The following AFDN variants were observed in gnomAD, a reference collection of about 807,000 sequenced individuals.
AFDN encodes the protein afadin, adherens junction formation factor.
Under a neutral mutation model 216.6 loss-of-function variants are expected in AFDN, and 68 were observed. That is an observed-to-expected ratio of 0.31 (90% confidence interval 0.26 to 0.38). The LOEUF is 0.38. AFDN is among the 10% of genes least tolerant of loss of function. The pLI is 1.00. For missense variants in AFDN, 2,136 were observed against 2,342.0 expected (o/e 0.91, Z 1.82); for synonymous variants, 868 against 853.7 (o/e 1.02, Z -0.29).
At chr6:167,829,291 C>T (rs1302690357) in intron 1 of AFDN, among the ~76,000 whole-genome samples, 11 of 152,100 alleles carry the variant, frequency 7.2e-5, no homozygotes, top group Non-Finnish European at 2.9e-5. Flanking sequence ...GAGAACTTTC[C>T]TGTACTATTA....
Position 167,851,872 on chromosome 6 carries a change from G to A in AFDN, c.106-12679G>A, listed in dbSNP as rs146058524. On this transcript the variant is annotated intron_variant, in intron 1 of 33. Transcript: ENST00000683244. ...ACCAAAGTTCTTGAGTTTTTGTAGCGCATTTTTAAAAAAAACAGGTTTACT... is the reference window on the plus strand; with the variant it reads ...ACCAAAGTTCTTGAGTTTTTGTAGCACATTTTTAAAAAAAACAGGTTTACT... 2.0e-3 allele frequency among the ~76,000 whole-genome samples: 311 copies of A among 151,976 alleles called. 5 individuals are homozygous for A. Among genetic ancestry groups the A allele is most frequent in the Middle Eastern group, 6.8e-3 (2 of 294 alleles).
intron 1 of AFDN, chr6:167,864,283 A>G (rs1264093437): frequency 1.5e-6 from 1 of 660,744 alleles, no homozygotes; most frequent in South Asian, 1.4e-5. Context: ...GCCAAGGACC[A>G]ATAGATGTTA....
chr6:167,844,844 CTTTTCT>C (rs1444128234), intron 1 of AFDN, among the ~76,000 whole-genome samples: 31 of 135,580 alleles, frequency 2.3e-4, no homozygotes, highest in Middle Eastern at 3.9e-3. Flanking sequence ...GCATCCTTTT[CTTTTCT>C]TTTTTTTTTT....
chr6:167,914,783 C>A (rs763526588), intron 18 of AFDN, 45 bp downstream of exon 18: 5 of 1,340,128 alleles, frequency 3.7e-6, no homozygotes, highest in Non-Finnish European at 5.3e-6. Flanking sequence ...GCTTCCTTCA[C>A]GTTTAGCATC....
intron 26 of AFDN, 74 bp downstream of exon 26, chr6:167,944,133 GA>G: frequency 8.5e-7 from 1 of 1,175,660 alleles, no homozygotes; most frequent in South Asian, 1.3e-5. Flanking sequence ...CCCCATGGAG[GA>G]GGTACTGGTG....
At chr6:167,916,167 T>C (rs1219273536) in intron 19 of AFDN, among the ~76,000 whole-genome samples, 1 of 152,224 alleles carries the variant, frequency 6.6e-6, no homozygotes, top group East Asian at 1.9e-4. Context: ...TTCTTTGGCC[T>C]GTAGATGCAT....
chr6:167,933,369 T>A (rs1455076473), intron 23 of AFDN, among the ~76,000 whole-genome samples: 1 of 152,262 alleles, frequency 6.6e-6, no homozygotes, highest in Non-Finnish European at 1.5e-5. Context: ...TGGTAAAGAC[T>A]GTTTATTAAC....
In AFDN at chr6:167,969,772, T is replaced by C; in HGVS notation, c.5343-10T>C. 6.2e-7 allele frequency: 1 copy of C among 1,600,538 alleles called. No individual in the cohort carries two copies. Among genetic ancestry groups the C allele is most frequent in the Non-Finnish European group, 8.5e-7 (1 of 1,176,456 alleles). On this transcript the variant is annotated splice_polypyrimidine_tract_variant and intron_variant, in intron 33 of 33. Coordinates refer to ENST00000683244, the MANE Select transcript of AFDN (RefSeq NM_001386888.1). ...TGTCCAGTAATCTTTGATATTGCCCTCTTCTGCAGCCAAGATGCAGATTCA... is the reference window on the plus strand; with the variant it reads ...TGTCCAGTAATCTTTGATATTGCCCCCTTCTGCAGCCAAGATGCAGATTCA...
chr6:167,828,518 T>G (rs1223191929), intron 1 of AFDN, among the ~76,000 whole-genome samples: 1 of 152,186 alleles, frequency 6.6e-6, no homozygotes, highest in African/African-American at 2.4e-5. Context: ...AGCATAGATG[T>G]TATGTTAAGT....
intron 23 of AFDN, among the ~76,000 whole-genome samples, chr6:167,934,187 T>G (rs1793685521): frequency 6.6e-6 from 1 of 152,162 alleles, no homozygotes; most frequent in Non-Finnish European, 1.5e-5. Flanking sequence ...GTTCCCTTCA[T>G]TTTATGGAGA....
chr6:167,922,880 C>A lies in AFDN; in HGVS notation c.2933C>A (p.Thr978Lys), dbSNP rs1562680261. Residue 978 changes from threonine to lysine, a missense_variant, in exon 22 of 34, where the codon ACA becomes AAA. By Grantham distance (78) the Thr-to-Lys change is moderately conservative. This residue lies in a region of AFDN where 162 missense variants were observed against 182.6 expected (regional missense o/e 0.89). Coordinates refer to ENST00000683244, the MANE Select transcript of AFDN (RefSeq NM_001386888.1). ...GGATTTTGCAGGTTAATTCCTCACA[C>A]ACGTTCACCAGGTACTTGGACAATA... ...QRGFCRLIPH[T>K]RSPGTWTIYF... 5.0e-6 allele frequency: 8 copies of A among 1,612,728 alleles called. No individual in the cohort carries two copies. The highest frequency in any genetic ancestry group is 4.2e-6 in the Non-Finnish European group (5 of 1,179,396).
intron 13 of AFDN, among the ~76,000 whole-genome samples, chr6:167,907,673 T>C (rs12191722): frequency 0.34 from 52,127 of 152,140 alleles, 9,696 homozygotes; most frequent in East Asian, 0.6. Context: ...TTTAAAAATA[T>C]GTAAGATCAA....
rs747756056 is a variant in AFDN, at chr6:167,911,392, C to T, written c.1940C>T (p.Ser647Phe). 1.2e-6 allele frequency: 2 copies of T among 1,613,942 alleles called. No homozygotes were observed. Among genetic ancestry groups the T allele is most frequent in the Non-Finnish European group, 8.5e-7 (1 of 1,179,898 alleles). ...VLYMACRYVL[S>F]NQYRPDISPT... ...TATATGGCATGCCGGTATGTATTGT[C>T]CAACCAGTACAGACCTGACATCAGC... Residue 647 changes from serine to phenylalanine, a missense_variant, in exon 15 of 34, where the codon TCC (serine) becomes TTC (phenylalanine). Ser to Phe is a radical substitution (Grantham distance 155). This residue lies in a region of AFDN where 817 missense variants were observed against 965.7 expected (regional missense o/e 0.85). Transcript: ENST00000683244.
intron 12 of AFDN, among the ~76,000 whole-genome samples, chr6:167,903,260 T>C (rs983007350): frequency 1.1e-4 from 16 of 152,250 alleles, no homozygotes; most frequent in Non-Finnish European, 1.8e-4. Flanking sequence ...CCTGGGCAGT[T>C]TGTTTGCTGG....
At chr6:167,829,548 A>G (rs1779602245) in intron 1 of AFDN, among the ~76,000 whole-genome samples, 1 of 152,152 alleles carries the variant, frequency 6.6e-6, no homozygotes, top group Non-Finnish European at 1.5e-5. Flanking sequence ...GGTCCTTATC[A>G]GATGTTCAGT....
intron 21 of AFDN, 98 bp downstream of exon 21, chr6:167,919,031 G>A: frequency 3.1e-6 from 3 of 957,632 alleles, no homozygotes; most frequent in South Asian, 1.5e-5. Context: ...TTGTGTGGGA[G>A]TGCACCCTCG....
chr6:167,847,825 T>C (rs1781868111), intron 1 of AFDN, among the ~76,000 whole-genome samples: 1 of 152,156 alleles, frequency 6.6e-6, no homozygotes, highest in Admixed American at 6.6e-5. Context: ...TTCTAAACCT[T>C]AAGTTAAATA....
chr6:167,855,836 G>A (rs1214339041), intron 1 of AFDN, among the ~76,000 whole-genome samples: 2 of 152,056 alleles, frequency 1.3e-5, no homozygotes, highest in Non-Finnish European at 2.9e-5. Context: ...AGCAAATTGT[G>A]TTCACTTGTG....
At chr6:167,913,524 C>A in intron 16 of AFDN, 101 bp downstream of exon 16, 2 of 1,056,400 alleles carry the variant, frequency 1.9e-6, no homozygotes, top group Non-Finnish European at 2.8e-6. Context: ...GACTGAACAG[C>A]TCATAACACT....
Sources: gnomAD v4.1 joint callset for allele counts (sites outside exome capture counted in the v4.1 genomes callset) on GRCh38, gnomAD v4.1.1 for gene constraint, gnomAD v4.1.1 regional missense constraint, MANE v1.5 for transcripts, NCBI Gene and HGNC (gene_info 2026-07-23, HGNC 2026-07-21) for gene names.